Variants in PLB1 observed in about 807,000 individuals in gnomAD.
PLB1 encodes phospholipase B1.
PLB1 carries 242 observed loss-of-function variants against 227.4 expected under a neutral mutation model. That is an observed-to-expected ratio of 1.06 (90% CI 0.96 to 1.18). The LOEUF (loss-of-function observed/expected upper bound fraction) is 1.18. Among genes scored for constraint, PLB1 ranks in the 50% most tolerant of loss-of-function variants. The probability of loss-of-function intolerance (pLI) is 0.00; values close to 1 mark genes in which losing one functional copy is unlikely to be tolerated. For missense variants in PLB1, 1,858 were observed against 1,816.3 expected (o/e 1.02, Z -0.42); for synonymous variants, 757 against 682.2 (o/e 1.11, Z -1.71).
chr2:28,529,479 TG>T, intron 7 of PLB1, 72 bp downstream of exon 7: 1 of 1,312,326 alleles, frequency 7.6e-7, no homozygotes, highest in Non-Finnish European at 1.1e-6. Context: ...TGGGAGGATT[TG>T]GGGGGCTGGC....
At chr2:28,579,740 C>T (rs1301965876) in intron 23 of PLB1, 33 bp downstream of exon 23, 4 of 1,567,240 alleles carry the variant, frequency 2.6e-6, no homozygotes, top group Non-Finnish European at 2.6e-6. Context: ...CAAGACTCAC[C>T]CCCAGAGAAG....
At chr2:28,511,770 A>G (rs923190328) in intron 1 of PLB1, among the ~76,000 whole-genome samples, 3 of 149,280 alleles carry the variant, frequency 2.0e-5, no homozygotes, top group African/African-American at 7.4e-5. Flanking sequence ...AGGTTTGGGA[A>G]GTTTTCAGCC....
intron 1 of PLB1, among the ~76,000 whole-genome samples, chr2:28,497,083 G>A (rs1301328511): frequency 6.6e-6 from 1 of 152,222 alleles, no homozygotes; most frequent in Non-Finnish European, 1.5e-5. Context: ...TTTGATTACT[G>A]ATGAGGCCAA....
chr2:28,636,033 G>GTGTGTGTGTATGTGTGTGTGTGTATGTA (rs1553467801), intron 56 of PLB1, among the ~76,000 whole-genome samples: 1 of 149,692 alleles, frequency 6.7e-6, no homozygotes, highest in Admixed American at 6.6e-5. Context: ...GTGTGTATGT[G>GTGTGTGTGTATGTGTGTGTGTGTATGTA]TGTGTGTGTA....
intron 5 of PLB1, 106 bp downstream of exon 5, chr2:28,525,413 C>G (rs944278394): frequency 7.8e-7 from 1 of 1,282,676 alleles, no homozygotes; most frequent in African/African-American, 1.5e-5. Flanking sequence ...AGGCTCAGTG[C>G]CTTGCTCAAG....
Position 28,529,333 on chromosome 2 carries a change from C to T in PLB1, c.342C>T (p.Ile114=), listed in dbSNP as rs748254720. Residue 114 remains isoleucine, a synonymous_variant, in exon 7 of 58, where the codon ATC becomes ATT. Transcript: ENST00000327757. The stretch of plus-strand genomic sequence containing the variant: ...TCTCTTTAGTCCTTTCAGACATCAT[C>T]AGATATTTCAGTCCTTCTGTTCCAA... ...MGVMTVLSDI[I]RYFSPSVPMP... 15 of 1,610,152 alleles carry T rather than the reference C, an allele frequency of 9.3e-6. No homozygotes were observed. The highest frequency in any genetic ancestry group is 5.3e-5 in the African/African-American group (4 of 74,820).
intron 56 of PLB1, among the ~76,000 whole-genome samples, chr2:28,636,593 G>A (rs1215463449): frequency 6.6e-6 from 1 of 152,128 alleles, no homozygotes; most frequent in Non-Finnish European, 1.5e-5. Context: ...TCCACTGACA[G>A]TAGGATGGGT....
chr2:28,574,477 G>C (rs1313919051), intron 21 of PLB1, among the ~76,000 whole-genome samples: 2 of 146,530 alleles, frequency 1.4e-5, no homozygotes, highest in African/African-American at 5.1e-5. Flanking sequence ...CCACCTCCCA[G>C]GTTCAAGGGA....
chr2:28,591,323 C>T, intron 30 of PLB1, 152 bp downstream of exon 30: 1 of 905,068 alleles, frequency 1.1e-6, no homozygotes, highest in African/African-American at 1.6e-5. Flanking sequence ...GGGTAGTGGG[C>T]AGAGTAAATG....
chr2:28,598,500 T>C (rs987478137), intron 34 of PLB1, 152 bp from the exon 35 acceptor site: 52 of 641,224 alleles, frequency 8.1e-5, no homozygotes, highest in Non-Finnish European at 1.4e-4. Flanking sequence ...TCCCAGCTTA[T>C]GTCCAGGACA....
intron 21 of PLB1, among the ~76,000 whole-genome samples, chr2:28,575,940 G>A (rs1215375533): frequency 6.6e-6 from 1 of 152,124 alleles, no homozygotes; most frequent in Non-Finnish European, 1.5e-5. Context: ...TGCTTTAATA[G>A]TACCATAATC....
intron 16 of PLB1, among the ~76,000 whole-genome samples, chr2:28,551,040 A>G (rs886561255): frequency 3.3e-5 from 5 of 152,202 alleles, no homozygotes; most frequent in Non-Finnish European, 7.3e-5. Flanking sequence ...GGGAGGCTTG[A>G]CAGAGTGTCT....
Position 28,572,588 on chromosome 2 carries a change from A to G in PLB1, c.1325-609A>G, listed in dbSNP as rs147268778. Among the ~76,000 whole-genome samples the G allele has an allele frequency of 1.5e-3, 233 of 152,372 alleles. 1 individual carries two copies. Among genetic ancestry groups the G allele is most frequent in the Non-Finnish European group, 2.7e-3 (184 of 68,040 alleles). On this transcript the variant is annotated intron_variant, in intron 20 of 57. Transcript: ENST00000327757. ...TCAGCAATAAAAACGAATGCAGTAC[A>G]GTTGCATGCTACAACATGGGTGAAT...
chr2:28,630,476 G>C (rs1688451587), intron 53 of PLB1, 110 bp from the exon 54 acceptor site: 3 of 837,970 alleles, frequency 3.6e-6, no homozygotes, highest in African/African-American at 1.7e-5. Context: ...GGCAGCACAG[G>C]CTGCAGGCCC....
At chr2:28,507,966 C>A (rs1667815370) in intron 1 of PLB1, among the ~76,000 whole-genome samples, 1 of 152,160 alleles carries the variant, frequency 6.6e-6, no homozygotes, top group Non-Finnish European at 1.5e-5. Context: ...ATTGTTGATC[C>A]TAAATCATTC....
At position 28,604,715 on chromosome 2, in the gene PLB1, G is replaced by A. The variant is rs1235940249; in HGVS notation, c.2917G>A (p.Val973Met). The A allele has an allele frequency of 6.2e-7, 1 of 1,614,208 alleles. No individual in the cohort carries two copies. Among genetic ancestry groups the A allele is most frequent in the South Asian group, 1.1e-5 (1 of 91,084 alleles). Reference protein sequence around the residue: ...RYDTQEDFSVVLQPFFQNIQL... With the variant: ...RYDTQEDFSVMLQPFFQNIQL... ...TGACACGCAGGAGGACTTCTCTGTG[G>A]TGCTGCAGCCCTTCTTCCAGAACAT... Residue 973 changes from valine (V) to methionine (M), a missense_variant, in exon 41 of 58, where the codon GTG (valine) becomes ATG (methionine). Val to Met is a conservative substitution (Grantham distance 21). Transcript: ENST00000327757.
At chr2:28,617,257 T>C (rs1686324486) in intron 44 of PLB1, among the ~76,000 whole-genome samples, 1 of 152,254 alleles carries the variant, frequency 6.6e-6, no homozygotes, top group Non-Finnish European at 1.5e-5. Context: ...TTTGTGTTAT[T>C]ATTCTAAAAA....
intron 25 of PLB1, among the ~76,000 whole-genome samples, chr2:28,584,553 A>G (rs1428663028): frequency 6.6e-6 from 1 of 152,232 alleles, no homozygotes; most frequent in Non-Finnish European, 1.5e-5. Flanking sequence ...TAGACCATTC[A>G]AACTCAAGGT....
intron 4 of PLB1, among the ~76,000 whole-genome samples, chr2:28,524,502 C>G (rs1448954936): frequency 2.7e-5 from 4 of 150,754 alleles, no homozygotes; most frequent in Non-Finnish European, 5.9e-5. Context: ...AATATGGATT[C>G]AACATATATT....
Sources: allele counts gnomAD v4.1 joint callset (sites outside exome capture counted in the v4.1 genomes callset), GRCh38; gene constraint gnomAD v4.1.1; transcripts MANE v1.5; gene names NCBI Gene and HGNC (gene_info 2026-07-23, HGNC 2026-07-21).